Variants in SOS1 observed in about 807,000 individuals in gnomAD.
SOS1 encodes the protein son of sevenless homolog 1.
SOS1 carries 25 observed loss-of-function variants against 157.6 expected under a neutral mutation model. That is an observed-to-expected ratio of 0.16 (90% CI 0.12 to 0.22). The LOEUF is 0.22. Ranked by LOEUF, SOS1 falls within the 10% of genes least tolerant of loss-of-function variation. The pLI is 1.00. For synonymous variants in SOS1, 528 were observed against 534.0 expected (o/e 0.99, Z 0.16); for missense variants, 1,237 against 1,599.1 (o/e 0.77, Z 3.86).
chr2:39,050,149 T>C (rs1443488777), intron 6 of SOS1, among the ~76,000 whole-genome samples: 1 of 152,148 alleles, frequency 6.6e-6, no homozygotes, highest in Non-Finnish European at 1.5e-5. Context: ...TGCCTGAAAG[T>C]CTTAATTAAA....
intron 1 of SOS1, among the ~76,000 whole-genome samples, chr2:39,108,988 C>G (rs139860845): frequency 8.3e-4 from 127 of 152,162 alleles, no homozygotes; most frequent in African/African-American, 2.6e-3. Context: ...TGCTTGAGCT[C>G]AGGAGTTCAA....
chr2:38,991,928 AGAG>A (rs1668746978), intron 20 of SOS1, among the ~76,000 whole-genome samples: 1 of 152,228 alleles, frequency 6.6e-6, no homozygotes, highest in Non-Finnish European at 1.5e-5. Flanking sequence ...AAAAACCGTA[AGAG>A]TAAAAAAAGA....
At position 39,033,221 on chromosome 2, in the gene SOS1, G is replaced by GAAA. The variant is rs11383706; in HGVS notation, c.1074+1988_1074+1990dup. ...GAGTATCTGGGATTATAGGTGTGCA[G>GAAA]AAAAAAAAAAAAAAAAAGTGATGAG... On this transcript the variant is annotated intron_variant, in intron 8 of 22. Transcript: ENST00000402219. 6.4e-5 allele frequency among the ~76,000 whole-genome samples: 8 copies of GAAA among 124,392 alleles called. 2 individuals carry two copies. Among genetic ancestry groups the GAAA allele is most frequent in the African/African-American group, 9.1e-5 (3 of 33,054 alleles). The allele number at this position is 124,392 out of a possible 152,430, so 81.6% of individuals were successfully genotyped here. A position where few individuals can be genotyped will look rare whatever the true frequency, so the allele number is the denominator to read the frequency against.
chr2:39,045,243 G>GGAGAGGGAGAGGGAGAGA (rs1431547167), intron 6 of SOS1, among the ~76,000 whole-genome samples: 3 of 83,316 alleles, frequency 3.6e-5, no homozygotes, highest in African/African-American at 1.2e-4. Flanking sequence ...AGAGAGAGAG[G>GGAGAGGGAGAGGGAGAGA]GAGAGAGAGA....
intron 1 of SOS1, among the ~76,000 whole-genome samples, chr2:39,097,469 CA>C (rs1672811816): frequency 6.6e-6 from 1 of 152,110 alleles, no homozygotes; most frequent in African/African-American, 2.4e-5. Context: ...TGCAGGCTAG[CA>C]AAGAATGTTT....
chr2:39,014,654 G>A, intron 11 of SOS1, 111 bp downstream of exon 11: 1 of 548,222 alleles, frequency 1.8e-6, no homozygotes, highest in East Asian at 3.0e-5. Flanking sequence ...TATTGAAAAA[G>A]TGCTTGTGAA....
intron 15 of SOS1, among the ~76,000 whole-genome samples, chr2:39,010,008 G>A (rs1366961657): frequency 1.3e-5 from 2 of 152,160 alleles, no homozygotes; most frequent in African/African-American, 4.8e-5. Context: ...AAAAAGACAT[G>A]AGACATATAG....
chr2:39,089,530 C>CAAAAAAAAA (rs56688960), intron 1 of SOS1, among the ~76,000 whole-genome samples: 1 of 118,130 alleles, frequency 8.5e-6, no homozygotes, highest in East Asian at 2.4e-4. Flanking sequence ...ACTCTGTCTC[C>CAAAAAAAAA]AAAAAAAAAA....
chr2:39,018,418 A>G (rs1465002269), intron 10 of SOS1, among the ~76,000 whole-genome samples: 1 of 151,726 alleles, frequency 6.6e-6, no homozygotes, highest in Non-Finnish European at 1.5e-5. Flanking sequence ...GCTTCCCCCA[A>G]TCAAAACAGC....
chr2:39,014,861 G>GA lies in SOS1; in HGVS notation c.1859-16dup, dbSNP rs1454503044. ...AAAATTGGGATCTAAGAAGAAAAAG[G>GA]AAAAATATCTTATTAAACTCTATGA... On this transcript the variant is annotated splice_polypyrimidine_tract_variant and intron_variant, in intron 10 of 22. Transcript: ENST00000402219. The GA allele has an allele frequency of 1.5e-6, 2 of 1,339,530 alleles. No homozygotes were observed. The highest frequency in any genetic ancestry group is 2.1e-6 in the Non-Finnish European group (2 of 931,228). 83.0% of individuals were successfully genotyped at this position (1,339,530 alleles called of 1,614,324 possible). A position where few individuals can be genotyped will look rare whatever the true frequency, so the allele number is the denominator to read the frequency against.
chr2:39,105,566 T>A (rs894981839), intron 1 of SOS1, among the ~76,000 whole-genome samples: 1 of 152,188 alleles, frequency 6.6e-6, no homozygotes, highest in Non-Finnish European at 1.5e-5. Flanking sequence ...ATATCCATGC[T>A]TGCCATACAA....
At chr2:39,014,154 G>A (rs1354346242) in intron 11 of SOS1, among the ~76,000 whole-genome samples, 165 bp from the exon 12 acceptor site, 1 of 151,956 alleles carries the variant, frequency 6.6e-6, no homozygotes, top group African/African-American at 2.4e-5. Context: ...TAGTATTAAA[G>A]GCTAATAAAA....
chr2:39,074,771 G>A (rs1338774756), intron 1 of SOS1, among the ~76,000 whole-genome samples: 1 of 151,610 alleles, frequency 6.6e-6, no homozygotes, highest in African/African-American at 2.4e-5. Context: ...GGAGGCTAAG[G>A]CAGGAGATTT....
chr2:39,016,047 A>T (rs539050247), intron 10 of SOS1, among the ~76,000 whole-genome samples: 1 of 152,098 alleles, frequency 6.6e-6, no homozygotes, highest in East Asian at 1.9e-4. Context: ...GAAAATTTTC[A>T]TTTAGGCTGA....
In SOS1 at chr2:39,020,125, G is replaced by A. The variant is rs114766963; in HGVS notation, c.1858+2445C>T. On this transcript the variant is annotated intron_variant, in intron 10 of 22. Coordinates refer to ENST00000402219, the MANE Select transcript of SOS1 (RefSeq NM_005633.4). ...TCTTGACTTGTTCTGGAATTAACTCGTAATAGAACTTCTGGGAAATCATAT... is the reference window on the plus strand; with the variant it reads ...TCTTGACTTGTTCTGGAATTAACTCATAATAGAACTTCTGGGAAATCATAT... Among the ~76,000 whole-genome samples the A allele has an allele frequency of 2.8e-3, 420 of 151,590 alleles. 5 individuals are homozygous for A. Among genetic ancestry groups the A allele is most frequent in the African/African-American group, 9.6e-3 (398 of 41,460 alleles).
rs10655655 is a variant in SOS1, at chr2:38,985,422, G to GTT, written c.*400_*401dup. ...GGAAGATATTAAGATCCCTGTTTAAGTTTTTTTTTTTAAAAGTGCATAATT... is the reference window on the plus strand; with the variant it reads ...GGAAGATATTAAGATCCCTGTTTAAGTTTTTTTTTTTTTAAAAGTGCATAATT... On this transcript the variant is annotated 3_prime_UTR_variant, in exon 23 of 23. Coordinates refer to ENST00000402219, the MANE Select transcript of SOS1 (RefSeq NM_005633.4). 0.24 allele frequency: 21,800 copies of GTT among 91,572 alleles called. 4,650 individuals are homozygous for GTT. Among genetic ancestry groups the GTT allele is most frequent in the African/African-American group, 0.61 (19,256 of 31,402 alleles). 5.7% of individuals were successfully genotyped at this position (91,572 alleles called of 1,614,324 possible).
intron 1 of SOS1, among the ~76,000 whole-genome samples, chr2:39,106,330 CCTGT>C (rs1673179432): frequency 6.6e-6 from 1 of 152,038 alleles, no homozygotes; most frequent in Admixed American, 6.5e-5. Flanking sequence ...GTGGCTCACG[CCTGT>C]AATCCCAGCA....
chr2:39,021,086 C>A (rs936717478), intron 10 of SOS1, among the ~76,000 whole-genome samples: 2 of 151,376 alleles, frequency 1.3e-5, no homozygotes, highest in African/African-American at 4.8e-5. Flanking sequence ...TAAAAGCACT[C>A]AAAATATTAC....
chr2:39,008,758 T>C (rs907075245), intron 15 of SOS1, among the ~76,000 whole-genome samples: 6 of 152,210 alleles, frequency 3.9e-5, no homozygotes, highest in Admixed American at 3.3e-4. Flanking sequence ...TGGAGTTTCA[T>C]AGCTGGGTGT....
Sources: gnomAD v4.1 joint callset for allele counts (sites outside exome capture counted in the v4.1 genomes callset) on GRCh38, gnomAD v4.1.1 for gene constraint, MANE v1.5 for transcripts, NCBI Gene and HGNC (gene_info 2026-07-23, HGNC 2026-07-21) for gene names.